The following VRK2 variants were observed in gnomAD, a reference collection of about 807,000 sequenced individuals.
VRK2 encodes serine/threonine-protein kinase VRK2.
Under a neutral mutation model 57.6 loss-of-function variants are expected in VRK2, and 60 were observed. The observed-to-expected ratio is 1.04, with a 90% CI of 0.85 to 1.29. The LOEUF is 1.29. Ranked by LOEUF, VRK2 falls within the 50% of genes most tolerant of loss-of-function variation. The pLI, the probability that VRK2 is intolerant of heterozygous loss-of-function variation, is 0.00. For synonymous variants in VRK2, 231 were observed against 199.2 expected (o/e 1.16, Z -1.35); for missense variants, 705 against 588.1 (o/e 1.20, Z -2.06).
intron 1 of VRK2, among the ~76,000 whole-genome samples, chr2:57,930,243 A>G (rs1024056577): frequency 6.6e-6 from 1 of 152,118 alleles, no homozygotes; most frequent in South Asian, 2.1e-4. Flanking sequence ...GGTTCTAACT[A>G]TTGTGATGGG....
intron 1 of VRK2, among the ~76,000 whole-genome samples, chr2:57,950,572 G>T (rs1671396276): frequency 1.3e-5 from 2 of 152,146 alleles, no homozygotes; most frequent in Admixed American, 6.5e-5. Context: ...TGTCACCCAA[G>T]AACTCAATGG....
intron 1 of VRK2, 64 bp from the exon 2 acceptor site, chr2:58,048,763 A>G (rs1675261384): frequency 1.3e-6 from 2 of 1,574,622 alleles, no homozygotes; most frequent in Middle Eastern, 1.7e-4. Flanking sequence ...TGGGAAGTGT[A>G]TTTTAAGAGT....
chr2:58,100,574 A>T (rs1385246550), intron 7 of VRK2, among the ~76,000 whole-genome samples: 11 of 151,788 alleles, frequency 7.2e-5, no homozygotes, highest in Non-Finnish European at 1.5e-4. Context: ...GACTTTGGAA[A>T]TAGTTCCTGT....
chr2:57,965,684 C>T (rs1671895153), intron 1 of VRK2, among the ~76,000 whole-genome samples: 2 of 152,226 alleles, frequency 1.3e-5, no homozygotes, highest in African/African-American at 4.8e-5. Context: ...TTAGACATGA[C>T]CTTTATTAGA....
At chr2:57,988,110 C>T (rs1001441405) in intron 1 of VRK2, among the ~76,000 whole-genome samples, 3 of 151,906 alleles carry the variant, frequency 2.0e-5, no homozygotes, top group Non-Finnish European at 4.4e-5. Flanking sequence ...CATATCTTTG[C>T]CAAATCTTGC....
chr2:57,970,840 T>G (rs1672074146), intron 1 of VRK2, among the ~76,000 whole-genome samples: 2 of 152,008 alleles, frequency 1.3e-5, no homozygotes, highest in African/African-American at 4.8e-5. Context: ...CTAGATTACA[T>G]TAAAACCAGT....
intron 1 of VRK2, among the ~76,000 whole-genome samples, chr2:57,991,071 A>G (rs975986219): frequency 6.6e-6 from 1 of 151,820 alleles, no homozygotes; most frequent in Non-Finnish European, 1.5e-5. Context: ...CAAAAAAAAA[A>G]CTTTAATCTA....
intron 1 of VRK2, among the ~76,000 whole-genome samples, chr2:57,917,443 T>C (rs1185720814): frequency 6.6e-6 from 1 of 151,418 alleles, no homozygotes; most frequent in African/African-American, 2.4e-5. Context: ...AATATATTCA[T>C]CTGCAAAATA....
At chr2:57,988,499 G>A (rs1672667505) in intron 1 of VRK2, among the ~76,000 whole-genome samples, 1 of 152,198 alleles carries the variant, frequency 6.6e-6, no homozygotes. Context: ...ATTTGAATCA[G>A]TAGACTAAGC....
chr2:58,086,647 T>G (rs549374575), intron 5 of VRK2, among the ~76,000 whole-genome samples: 1 of 152,310 alleles, frequency 6.6e-6, no homozygotes, highest in South Asian at 2.1e-4. Context: ...TCTGCTGGGT[T>G]ACATTCATTT....
chr2:58,048,166 A>G (rs1411008461), intron 1 of VRK2, among the ~76,000 whole-genome samples: 4 of 152,206 alleles, frequency 2.6e-5, no homozygotes, highest in African/African-American at 9.6e-5. Context: ...TGTTGGTGGC[A>G]CAGTTGTAAT....
At chr2:58,113,691 A>T (rs545091736) in intron 7 of VRK2, among the ~76,000 whole-genome samples, 1 of 152,146 alleles carries the variant, frequency 6.6e-6, no homozygotes, top group African/African-American at 2.4e-5. Flanking sequence ...CACACGGTTA[A>T]TCACTTAGTT....
chr2:58,052,875 T>C (rs978944577), intron 2 of VRK2, among the ~76,000 whole-genome samples: 1 of 152,204 alleles, frequency 6.6e-6, no homozygotes, highest in Non-Finnish European at 1.5e-5. Flanking sequence ...TTTCAGAAAT[T>C]ATTCAAAATT....
At chr2:57,907,986 G>A (rs773133449) in intron 1 of VRK2, 10 of 152,076 alleles carry the variant, frequency 6.6e-5, no homozygotes, top group African/African-American at 2.2e-4. Context: ...ATCAATACAG[G>A]CTCTAAGAAA....
intron 2 of VRK2, among the ~76,000 whole-genome samples, chr2:58,060,132 C>CA (rs1166173376): frequency 6.6e-6 from 1 of 151,328 alleles, no homozygotes; most frequent in African/African-American, 2.4e-5. Context: ...ACAACAACAA[C>CA]AAAAAAATCC....
chr2:58,048,948 A>G lies in VRK2; in HGVS notation c.117A>G (p.Gly39=). The G allele has an allele frequency of 6.2e-7, 1 of 1,613,604 alleles. No homozygotes were observed. Among genetic ancestry groups the G allele is most frequent in the Non-Finnish European group, 8.5e-7 (1 of 1,179,742 alleles). Residue 39 remains glycine (G), a synonymous_variant, in exon 2 of 13, where the codon GGA becomes GGG. Transcript: ENST00000340157. ...WVLGKKIGSG[G]FGLIYLAFPT... is the part of the protein sequence containing the mutation. ...TGGGCAAGAAGATTGGCTCTGGAGG[A>G]TTTGGATTGATATATTTAGGTAAAG...
chr2:58,094,026 C>G (rs1205658094), intron 7 of VRK2, among the ~76,000 whole-genome samples: 6 of 152,106 alleles, frequency 3.9e-5, no homozygotes, highest in Non-Finnish European at 8.8e-5. Context: ...TGGTCTATAT[C>G]TCTGTTTTGG....
In VRK2 at chr2:58,088,509, C is replaced by G. The variant is rs150486745; in HGVS notation, c.450+63C>G. ...TGTTTACTTCTTGCAATATAGAAAT[C>G]TTTTCCCTTTGTGGAATTATTAGAG... On this transcript the variant is annotated intron_variant, in intron 6 of 12. Transcript: ENST00000340157. The G allele has an allele frequency of 3.4e-3, 4,198 of 1,226,712 alleles. 5 individuals carry two copies. Among genetic ancestry groups the G allele is most frequent in the Non-Finnish European group, 4.7e-3 (3,897 of 835,724 alleles). 76.0% of individuals were successfully genotyped at this position (1,226,712 alleles called of 1,614,324 possible).
intron 1 of VRK2, among the ~76,000 whole-genome samples, chr2:57,985,101 T>C (rs1033011019): frequency 1.3e-5 from 2 of 152,020 alleles, no homozygotes; most frequent in Non-Finnish European, 2.9e-5. Context: ...AGTGGATGGA[T>C]GGAAGATAGA....
Sources: allele counts gnomAD v4.1 joint callset (sites outside exome capture counted in the v4.1 genomes callset), GRCh38; gene constraint gnomAD v4.1.1; transcripts MANE v1.5; gene names NCBI Gene and HGNC (gene_info 2026-07-23, HGNC 2026-07-21).